MYO3B: variants seen among roughly 807,000 people sequenced by gnomAD.
MYO3B encodes the protein myosin-IIIb.
MYO3B carries 156 observed loss-of-function variants against 174.6 expected under a neutral mutation model. The observed-to-expected ratio is 0.89, with a 90% CI of 0.78 to 1.02. MYO3B has a LOEUF of 1.02. Among genes scored for constraint, MYO3B ranks in the 50% least tolerant of loss-of-function variants. MYO3B has a pLI of 0.00. For synonymous variants in MYO3B, 563 were observed against 569.1 expected (o/e 0.99, Z 0.15); for missense variants, 1,632 against 1,639.4 (o/e 1.00, Z 0.08).
intron 1 of MYO3B, among the ~76,000 whole-genome samples, chr2:170,191,847 G>A (rs2092544344): frequency 6.6e-6 from 1 of 152,182 alleles, no homozygotes; most frequent in Non-Finnish European, 1.5e-5. Flanking sequence ...TGTGTGGATA[G>A]TTTTTCAGTT....
chr2:170,539,246 C>T (rs6755177), intron 30 of MYO3B, among the ~76,000 whole-genome samples: 87,083 of 152,098 alleles, frequency 0.57, 26,786 homozygotes, highest in Non-Finnish European at 0.71. Context: ...TAGCTGCTTG[C>T]TTCCTGTGGT....
intron 32 of MYO3B, among the ~76,000 whole-genome samples, chr2:170,557,715 G>T (rs544617662): frequency 7.2e-5 from 11 of 152,230 alleles, no homozygotes; most frequent in African/African-American, 2.4e-4. Context: ...TTTGACTAGG[G>T]TGTTGATAGG....
chr2:170,282,665 A>C (rs2093521224), intron 7 of MYO3B, among the ~76,000 whole-genome samples: 1 of 151,868 alleles, frequency 6.6e-6, no homozygotes, highest in Non-Finnish European at 1.5e-5. Flanking sequence ...TTTAATAGGG[A>C]TGCATTGACT....
chr2:170,577,767 C>A (rs1231319514), intron 32 of MYO3B, among the ~76,000 whole-genome samples: 1 of 152,192 alleles, frequency 6.6e-6, no homozygotes, highest in African/African-American at 2.4e-5. Flanking sequence ...ATTTCATTAG[C>A]TCCTCTTCCC....
intron 32 of MYO3B, among the ~76,000 whole-genome samples, chr2:170,613,686 G>C (rs151019118): frequency 0.076 from 11,532 of 152,260 alleles, 1,488 homozygotes; most frequent in African/African-American, 0.26. Flanking sequence ...GGGAAAGGCA[G>C]ACCCACCCTT....
At chr2:170,542,758 A>C in intron 30 of MYO3B, 148 bp from the exon 31 acceptor site, 1 of 594,020 alleles carries the variant, frequency 1.7e-6, no homozygotes, top group Non-Finnish European at 2.9e-6. Context: ...TAAGGTGACC[A>C]TGTCCTTTTA....
intron 30 of MYO3B, among the ~76,000 whole-genome samples, chr2:170,540,644 T>C (rs1690029162): frequency 6.9e-6 from 1 of 144,734 alleles, no homozygotes; most frequent in Non-Finnish European, 1.5e-5. Context: ...CTCATGTCCC[T>C]AAGGCAAAAA....
chr2:170,605,126 C>T (rs1694735437), intron 32 of MYO3B, among the ~76,000 whole-genome samples: 1 of 152,168 alleles, frequency 6.6e-6, no homozygotes, highest in Non-Finnish European at 1.5e-5. Flanking sequence ...AGATCCAGGG[C>T]ATCTTCTCTG....
intron 12 of MYO3B, chr2:170,385,950 G>C: frequency 3.3e-6 from 1 of 307,374 alleles, no homozygotes; most frequent in Non-Finnish European, 6.0e-6. Flanking sequence ...TAATTACAAG[G>C]AAAAAACTCA....
Position 170,382,280 on chromosome 2 carries a change from G to GT in MYO3B, c.1068+169dup, listed in dbSNP as rs767605701. On this transcript the variant is annotated intron_variant, in intron 10 of 34. Coordinates refer to ENST00000408978, the MANE Select transcript of MYO3B (RefSeq NM_138995.5). Reference sequence around the variant, plus strand: ...ATTCAGTTGCTGTGACTATGATCCTGTGCTGTGTTTATTTAGATAGCCCCT... The same window carrying GT: ...ATTCAGTTGCTGTGACTATGATCCTGTTGCTGTGTTTATTTAGATAGCCCCT... 1.1e-4 allele frequency: 57 copies of GT among 523,094 alleles called. 1 individual carries two copies. In the Middle Eastern group the frequency reaches 2.0e-3, roughly 18 times the overall value. The allele number at this position is 523,094 out of a possible 1,614,324, so 32.4% of individuals were successfully genotyped here.
intron 7 of MYO3B, among the ~76,000 whole-genome samples, chr2:170,309,142 C>T (rs139801106): frequency 1.3e-5 from 2 of 152,160 alleles, no homozygotes; most frequent in Non-Finnish European, 2.9e-5. Context: ...CCATAAAATG[C>T]CACAAAGTAT....
rs892504856 is a variant in MYO3B, at chr2:170,206,060, G to A, written c.321+5776G>A. Among the ~76,000 whole-genome samples the A allele has an allele frequency of 6.6e-6, 1 of 151,982 alleles. No homozygotes were observed. Among genetic ancestry groups the A allele is most frequent in the Non-Finnish European group, 1.5e-5 (1 of 67,990 alleles). On this transcript the variant is annotated intron_variant, in intron 3 of 34. Transcript: ENST00000408978. This position sits in a 1 kb window ranked among gnomAD's most constrained non-coding sequence, Gnocchi z 4.3. Reference sequence around the variant, plus strand: ...TTCCTCCTCCATCTCCCTGCCCCAGGATTCTGGCATCCTTTGTCCCAACAG... The same window carrying A: ...TTCCTCCTCCATCTCCCTGCCCCAGAATTCTGGCATCCTTTGTCCCAACAG...
chr2:170,372,504 C>T (rs984049079), intron 9 of MYO3B, among the ~76,000 whole-genome samples: 5 of 152,116 alleles, frequency 3.3e-5, no homozygotes, highest in African/African-American at 1.2e-4. Context: ...ATCTCTTATT[C>T]AATATCTAAT....
At chr2:170,289,372 A>G (rs1370061424) in intron 7 of MYO3B, among the ~76,000 whole-genome samples, 2 of 152,068 alleles carry the variant, frequency 1.3e-5, no homozygotes, top group Admixed American at 1.3e-4. Flanking sequence ...AAACTTTATT[A>G]CAGCCTTCTT....
intron 8 of MYO3B, among the ~76,000 whole-genome samples, chr2:170,354,278 TG>T (rs1261416423): frequency 6.6e-6 from 1 of 152,242 alleles, no homozygotes; most frequent in Non-Finnish European, 1.5e-5. Flanking sequence ...TCCTTTTTTT[TG>T]TTCTGTTTTG....
At chr2:170,451,421 G>T (rs1454305911) in intron 23 of MYO3B, among the ~76,000 whole-genome samples, 1 of 152,190 alleles carries the variant, frequency 6.6e-6, no homozygotes, top group Non-Finnish European at 1.5e-5. Context: ...GTTTTCAAAA[G>T]TCAAAGAAGC....
intron 32 of MYO3B, among the ~76,000 whole-genome samples, chr2:170,626,222 A>G (rs1696413708): frequency 6.6e-6 from 1 of 152,158 alleles, no homozygotes; most frequent in Admixed American, 6.5e-5. Context: ...GACTTGCTTT[A>G]TGAATCTGGG....
At chr2:170,348,101 T>C (rs2094031120) in intron 8 of MYO3B, 1 of 152,232 alleles carries the variant, frequency 6.6e-6, no homozygotes, top group South Asian at 2.1e-4. Flanking sequence ...GAGACCAGCC[T>C]GGGCAACATA....
intron 32 of MYO3B, among the ~76,000 whole-genome samples, chr2:170,645,045 G>A (rs1448081976): frequency 1.3e-5 from 2 of 152,156 alleles, no homozygotes; most frequent in Non-Finnish European, 2.9e-5. Context: ...TAAAAGCCCA[G>A]TAAGGAGGTA....
Sources: allele counts gnomAD v4.1 joint callset (sites outside exome capture counted in the v4.1 genomes callset), GRCh38; gene constraint gnomAD v4.1.1; non-coding constraint Gnocchi (gnomAD v3.1); transcripts MANE v1.5; gene names NCBI Gene and HGNC (gene_info 2026-07-23, HGNC 2026-07-21).